Variants in CNTN5 observed in about 807,000 individuals in gnomAD.
CNTN5 encodes the protein contactin 5.
In CNTN5, 77 loss-of-function variants were observed where a neutral mutation model predicts 129.1. That is an observed-to-expected ratio of 0.60 (90% CI 0.50 to 0.72). The LOEUF (loss-of-function observed/expected upper bound fraction) is 0.72, where lower values mean the gene tolerates loss of function less well. CNTN5 is among the 30% of genes least tolerant of loss of function. The pLI, the probability that CNTN5 is intolerant of heterozygous loss-of-function variation, is 0.00. For missense variants in CNTN5, 1,478 were observed against 1,328.8 expected (o/e 1.11, Z -1.75); for synonymous variants, 509 against 465.6 (o/e 1.09, Z -1.20).
At chr11:99,404,883 G>A (rs184086847) in intron 2 of CNTN5, among the ~76,000 whole-genome samples, 1 of 152,036 alleles carries the variant, frequency 6.6e-6, no homozygotes, top group Non-Finnish European at 1.5e-5. Context: ...ACTCCCTTTA[G>A]CATTTCTTAT....
intron 8 of CNTN5, among the ~76,000 whole-genome samples, chr11:99,961,106 G>A (rs1215087067): frequency 6.8e-6 from 1 of 148,060 alleles, no homozygotes; most frequent in African/African-American, 2.5e-5. Flanking sequence ...CCGGGAGGCT[G>A]AGACAGGAGA....
intron 1 of CNTN5, among the ~76,000 whole-genome samples, chr11:99,164,489 CAATT>C (rs1176167945): frequency 1.9e-4 from 29 of 152,180 alleles, no homozygotes; most frequent in African/African-American, 7.0e-4. Context: ...TATGAACATT[CAATT>C]AATTGGTGCT....
At chr11:99,438,545 T>G (rs1943690529) in intron 2 of CNTN5, among the ~76,000 whole-genome samples, 1 of 151,580 alleles carries the variant, frequency 6.6e-6, no homozygotes, top group African/African-American at 2.4e-5. Context: ...TCTTCATATC[T>G]CTCTCTCTCT....
At chr11:99,924,788 A>T (rs1324714092) in intron 7 of CNTN5, among the ~76,000 whole-genome samples, 2 of 152,166 alleles carry the variant, frequency 1.3e-5, no homozygotes, top group African/African-American at 4.8e-5. Context: ...TCAAAATTAT[A>T]TGTAAAATCT....
chr11:100,236,916 G>A (rs562144541), intron 16 of CNTN5, among the ~76,000 whole-genome samples: 12 of 152,238 alleles, frequency 7.9e-5, no homozygotes, highest in African/African-American at 2.9e-4. Context: ...TCCGCTGGGC[G>A]CGGTGGCTCA....
At chr11:100,243,914 A>C (rs956751290) in intron 16 of CNTN5, among the ~76,000 whole-genome samples, 4 of 152,188 alleles carry the variant, frequency 2.6e-5, no homozygotes, top group Admixed American at 2.6e-4. Flanking sequence ...TTAAATTGAA[A>C]ATAAAACTTC....
intron 7 of CNTN5, among the ~76,000 whole-genome samples, chr11:99,919,356 C>A (rs573114040): frequency 1.1e-4 from 16 of 152,204 alleles, no homozygotes; most frequent in Middle Eastern, 3.4e-3. Context: ...TCTTCTGGAG[C>A]AGTCCATCAA....
At chr11:100,003,196 A>C (rs1474768066) in intron 9 of CNTN5, among the ~76,000 whole-genome samples, 1 of 152,188 alleles carries the variant, frequency 6.6e-6, no homozygotes, top group Non-Finnish European at 1.5e-5. Flanking sequence ...ATAGACTATA[A>C]GCAAAATGAA....
At chr11:99,030,192 G>A (rs1475801248) in intron 1 of CNTN5, among the ~76,000 whole-genome samples, 1 of 150,984 alleles carries the variant, frequency 6.6e-6, no homozygotes. Context: ...CTAACTCATA[G>A]TTTTTTTTTG....
intron 1 of CNTN5, among the ~76,000 whole-genome samples, chr11:99,040,312 CAAA>C (rs1863938283): frequency 6.6e-6 from 1 of 152,068 alleles, no homozygotes; most frequent in Non-Finnish European, 1.5e-5. Flanking sequence ...TGAAAACTCT[CAAA>C]AACTGAATGT....
At chr11:99,652,350 A>T (rs1027235950) in intron 3 of CNTN5, among the ~76,000 whole-genome samples, 2 of 152,088 alleles carry the variant, frequency 1.3e-5, no homozygotes, top group African/African-American at 4.8e-5. Flanking sequence ...CTTACATAAC[A>T]TAAAATAATG....
chr11:100,046,812 T>C (rs1181301759), intron 9 of CNTN5, among the ~76,000 whole-genome samples: 2 of 152,186 alleles, frequency 1.3e-5, no homozygotes, highest in Admixed American at 6.6e-5. Context: ...GGAACAGTTG[T>C]TGTCATATAT....
chr11:99,036,620 T>C (rs1407675226), intron 1 of CNTN5, among the ~76,000 whole-genome samples: 1 of 152,078 alleles, frequency 6.6e-6, no homozygotes. Context: ...ATTGAGAAGG[T>C]ACACTTAAAA....
intron 3 of CNTN5, among the ~76,000 whole-genome samples, chr11:99,662,137 G>A (rs1306284825): frequency 1.3e-5 from 2 of 152,062 alleles, no homozygotes; most frequent in African/African-American, 2.4e-5. Flanking sequence ...AACGGGGTTT[G>A]CCCTTCTGAA....
chr11:99,748,130 T>G (rs868816914), intron 3 of CNTN5, among the ~76,000 whole-genome samples: 1 of 152,228 alleles, frequency 6.6e-6, no homozygotes, highest in Middle Eastern at 3.4e-3. Context: ...TTGTTGAGGA[T>G]TTTTGCATCT....
intron 3 of CNTN5, among the ~76,000 whole-genome samples, chr11:99,635,753 T>A (rs982961104): frequency 6.6e-6 from 1 of 152,010 alleles, no homozygotes; most frequent in Non-Finnish European, 1.5e-5. Flanking sequence ...GTAAATAAAT[T>A]ATGTTTATGT....
chr11:99,943,983 G>T (rs1339490043), intron 7 of CNTN5, among the ~76,000 whole-genome samples: 1 of 151,450 alleles, frequency 6.6e-6, no homozygotes, highest in African/African-American at 2.4e-5. Context: ...CTCCAGCTTT[G>T]TTGTTTTTGC....
At chr11:99,846,981 A>G (rs1204161182) in intron 6 of CNTN5, among the ~76,000 whole-genome samples, 6 of 152,196 alleles carry the variant, frequency 3.9e-5, no homozygotes, top group Admixed American at 2.6e-4. Flanking sequence ...ATTATGCACA[A>G]TTAATCAAGT....
At chr11:99,338,053 A>G (rs561173603) in intron 2 of CNTN5, among the ~76,000 whole-genome samples, 1 of 152,328 alleles carries the variant, frequency 6.6e-6, no homozygotes, top group Non-Finnish European at 1.5e-5. Context: ...GCTGTAAAAT[A>G]GAAAATTAAT....
Sources: gnomAD v4.1 joint callset for allele counts (sites outside exome capture counted in the v4.1 genomes callset) on GRCh38, gnomAD v4.1.1 for gene constraint, MANE v1.5 for transcripts, NCBI Gene and HGNC (gene_info 2026-07-23, HGNC 2026-07-21) for gene names.